The following NDST1 variants were observed in gnomAD, a reference collection of about 807,000 sequenced individuals.
The protein encoded by NDST1 is N-deacetylase and N-sulfotransferase 1.
Under a neutral mutation model 92.8 loss-of-function variants are expected in NDST1, and 35 were observed. The observed-to-expected ratio is 0.38, with a 90% CI of 0.29 to 0.50. NDST1 has a LOEUF of 0.50. Ranked by LOEUF, NDST1 falls within the 20% of genes least tolerant of loss-of-function variation. The probability of loss-of-function intolerance (pLI) is 0.94; values close to 1 mark genes in which losing one functional copy is unlikely to be tolerated. For missense variants in NDST1, 822 were observed against 1,182.7 expected (o/e 0.69, Z 4.47); for synonymous variants, 493 against 500.3 (o/e 0.99, Z 0.19).
chr5:150,551,359 A>T (rs1401750611), intron 13 of NDST1, among the ~76,000 whole-genome samples: 2 of 151,956 alleles, frequency 1.3e-5, no homozygotes, highest in African/African-American at 4.8e-5. Flanking sequence ...CCCTCTTCCC[A>T]TTGACGCTGG....
chr5:150,509,165 C>T (rs956086722), intron 1 of NDST1, among the ~76,000 whole-genome samples: 1 of 152,156 alleles, frequency 6.6e-6, no homozygotes, highest in African/African-American at 2.4e-5. Context: ...ATGGAGGCCC[C>T]TGAGTCTGCC....
intron 9 of NDST1, among the ~76,000 whole-genome samples, chr5:150,542,095 A>T (rs1172925393): frequency 2.0e-5 from 3 of 152,320 alleles, no homozygotes; most frequent in Non-Finnish European, 4.4e-5. Flanking sequence ...CAAGGCACAA[A>T]TGGGCACTCC....
intron 1 of NDST1, among the ~76,000 whole-genome samples, chr5:150,509,303 G>A (rs1255790015): frequency 2.0e-5 from 3 of 152,190 alleles, no homozygotes; most frequent in African/African-American, 7.2e-5. Context: ...AGCTCAGGGT[G>A]TGATAAAATT....
intron 3 of NDST1, 108 bp from the exon 4 acceptor site, chr5:150,532,837 T>G: frequency 9.6e-7 from 1 of 1,044,952 alleles, no homozygotes; most frequent in Non-Finnish European, 1.5e-6. Flanking sequence ...TGACATTCTT[T>G]ATAATTTTTG....
In NDST1 at chr5:150,553,430, C is replaced by G. The variant is rs888697453; in HGVS notation, c.*98C>G. ...AGAGTGGGAAGCTGGACCAGGGCAG[C>G]TGCGCACTTATGAGCAATACTCTGT... On this transcript the variant is annotated 3_prime_UTR_variant, in exon 15 of 15. Coordinates refer to ENST00000261797, the MANE Select transcript of NDST1 (RefSeq NM_001543.5). The surrounding 1 kb of genome is among the most constrained non-coding windows in gnomAD (Gnocchi z 4.2). 2.0e-6 allele frequency: 3 copies of G among 1,506,194 alleles called. No homozygotes were observed. In the African/African-American group the frequency reaches 4.1e-5, roughly 21 times the overall value. The allele number at this position is 1,506,194 out of a possible 1,614,324, so 93.3% of individuals were successfully genotyped here.
At chr5:150,516,976 A>AGTGTGTGTGTGTGTGT (rs56170880) in intron 1 of NDST1, among the ~76,000 whole-genome samples, 1 of 143,674 alleles carries the variant, frequency 7.0e-6, no homozygotes, top group Admixed American at 6.9e-5. Flanking sequence ...GACATTTTCT[A>AGTGTGTGTGTGTGTGT]GTGTGTGTGT....
At chr5:150,552,006 G>C in intron 14 of NDST1, 151 bp downstream of exon 14, 1 of 1,328,608 alleles carries the variant, frequency 7.5e-7, no homozygotes, top group Non-Finnish European at 1.0e-6. Context: ...AGGAAAATGG[G>C]GGCTGGGACA....
At position 150,539,341 on chromosome 5, in the gene NDST1, C is replaced by T. The variant is rs376409375; in HGVS notation, c.1551C>T (p.Thr517=). 33 of 1,614,022 alleles carry T rather than the reference C, an allele frequency of 2.0e-5. No individual in the cohort carries two copies. Among genetic ancestry groups the T allele is most frequent in the East Asian group, 4.5e-5 (2 of 44,898 alleles). The change falls in exon 7 of 15, where the codon ACC becomes ACT. Residue 517 remains threonine, a synonymous_variant. Coordinates refer to ENST00000261797, the MANE Select transcript of NDST1 (RefSeq NM_001543.5). ...TCAACGGGGGCGAGCTCTTCCTCAC[C>T]GTGCTCCTCAATCCTGTGAGTGCTC... ...KIINGGELFL[T]VLLNPISIFM...
chr5:150,526,965 G>T (rs1338348971), intron 2 of NDST1, among the ~76,000 whole-genome samples: 1 of 152,240 alleles, frequency 6.6e-6, no homozygotes, highest in Non-Finnish European at 1.5e-5. Flanking sequence ...GCAGTGACCG[G>T]GCAGGCACCA....
intron 11 of NDST1, 27 bp downstream of exon 11, chr5:150,545,513 G>A: frequency 1.2e-6 from 2 of 1,613,606 alleles, no homozygotes; most frequent in Non-Finnish European, 1.7e-6. Flanking sequence ...TGGAGTCCCT[G>A]TGTCGGGAAC....
chr5:150,531,932 C>T (rs928261559), intron 3 of NDST1, among the ~76,000 whole-genome samples: 4 of 152,192 alleles, frequency 2.6e-5, no homozygotes, highest in Non-Finnish European at 5.9e-5. Flanking sequence ...GCGGGAAGAC[C>T]GCATTGCTGG....
rs1375553209 is a variant in NDST1, at chr5:150,557,446, C to G, written c.*4114C>G. ...AGCAGGGAAAAGCCTACATGGGGAA[C>G]TGCCTCCCGCAAGCTGTGGTGTGAG... On this transcript the variant is annotated 3_prime_UTR_variant, in exon 15 of 15. Coordinates refer to ENST00000261797, the MANE Select transcript of NDST1 (RefSeq NM_001543.5). The surrounding 1 kb of genome is among the most constrained non-coding windows in gnomAD (Gnocchi z 4.7). 6.6e-6 allele frequency: 1 copy of G among 152,564 alleles called. No homozygotes were observed. 9.5% of individuals were successfully genotyped at this position (152,564 alleles called of 1,614,324 possible).
chr5:150,549,963 G>C (rs560060405), intron 13 of NDST1, among the ~76,000 whole-genome samples, 176 bp downstream of exon 13: 1 of 152,080 alleles, frequency 6.6e-6, no homozygotes, highest in Non-Finnish European at 1.5e-5. Flanking sequence ...AAAAAAGGGA[G>C]ATGATGAATC....
At chr5:150,539,097 G>A (rs1755125434) in intron 6 of NDST1, 131 bp from the exon 7 acceptor site, 1 of 749,838 alleles carries the variant, frequency 1.3e-6, no homozygotes, top group Admixed American at 2.0e-5. Flanking sequence ...GCACCCAAGG[G>A]TAGGGGCTGT....
chr5:150,521,911 A>G lies in NDST1; in HGVS notation c.513+144A>G. 9.0e-7 allele frequency: 1 copy of G among 1,114,192 alleles called. No homozygotes were observed. Among genetic ancestry groups the G allele is most frequent in the Non-Finnish European group, 1.3e-6 (1 of 760,812 alleles). 69.0% of individuals were successfully genotyped at this position (1,114,192 alleles called of 1,614,324 possible). On this transcript the variant is annotated intron_variant, in intron 2 of 14. Coordinates refer to ENST00000261797, the MANE Select transcript of NDST1 (RefSeq NM_001543.5). This position sits in a 1 kb window ranked among gnomAD's most constrained non-coding sequence, Gnocchi z 5.9. ...TTAAATGAGTGAGTATATGTAAAGC[A>G]CTGGGAGCATGCGGTGCCCACTGCC... is the stretch of plus-strand genomic sequence containing the variant.
chr5:150,552,187 T>C (rs1040240710), intron 14 of NDST1, among the ~76,000 whole-genome samples: 1 of 152,104 alleles, frequency 6.6e-6, no homozygotes, highest in Admixed American at 6.5e-5. Flanking sequence ...CAGAGAGTGC[T>C]GCGCGCAGTC....
At position 150,557,523 on chromosome 5, in the gene NDST1, A is replaced by C. The variant is rs1012114234; in HGVS notation, c.*4191A>C. 6.6e-6 allele frequency: 1 copy of C among 152,370 alleles called. No individual in the cohort carries two copies. The highest frequency in any genetic ancestry group is 1.9e-4 in the East Asian group (1 of 5,206). 9.4% of individuals were successfully genotyped at this position (152,370 alleles called of 1,614,324 possible). A position where few individuals can be genotyped will look rare whatever the true frequency, so the allele number is the denominator to read the frequency against. On this transcript the variant is annotated 3_prime_UTR_variant, in exon 15 of 15. Transcript: ENST00000261797. The surrounding 1 kb of genome is among the most constrained non-coding windows in gnomAD (Gnocchi z 4.7). ...GTGAAGTTTCATCCCAGCCGGGTGC[A>C]TTTAGTAGCTGCCTGACCATCTTCC...
intron 1 of NDST1, among the ~76,000 whole-genome samples, chr5:150,498,461 C>T (rs1400436634): frequency 6.6e-6 from 1 of 152,198 alleles, no homozygotes; most frequent in Non-Finnish European, 1.5e-5. Flanking sequence ...TTAGTCTCCA[C>T]CCCTGGCTCC....
chr5:150,553,330 T>G lies in NDST1; in HGVS notation c.2647T>G (p.Ter883GluextTer8), dbSNP rs1755802336. 6.2e-7 allele frequency: 1 copy of G among 1,612,710 alleles called. No individual in the cohort carries two copies. The highest frequency in any genetic ancestry group is 8.5e-7 in the Non-Finnish European group (1 of 1,179,158). ...ACGAGAGGACCTCCAGAACACCAGG[T>G]AGCCGTGGCCACCACAGCCAGACTG... ...WLREDLQNTR[*>E] The change falls in exon 15 of 15, where the codon TAG (stop) becomes GAG (glutamate). Residue 883 changes from the stop codon to glutamate, a stop_lost. Transcript: ENST00000261797. This position sits in a 1 kb window ranked among gnomAD's most constrained non-coding sequence, Gnocchi z 4.2.
Sources: gnomAD v4.1 joint callset for allele counts (sites outside exome capture counted in the v4.1 genomes callset) on GRCh38, gnomAD v4.1.1 for gene constraint, Gnocchi (gnomAD v3.1) non-coding constraint, MANE v1.5 for transcripts, NCBI Gene and HGNC (gene_info 2026-07-23, HGNC 2026-07-21) for gene names.